The following PRKN variants were observed in gnomAD, a reference collection of about 807,000 sequenced individuals.
PRKN encodes E3 ubiquitin-protein ligase parkin.
Under a neutral mutation model 59.5 loss-of-function variants are expected in PRKN, and 56 were observed. The ratio of observed to expected loss-of-function variants is 0.94; its 90% CI spans 0.76 to 1.18. PRKN has a LOEUF of 1.18. PRKN is among the 50% of genes most tolerant of loss of function. The probability of loss-of-function intolerance (pLI) is 0.00; values close to 1 mark genes in which losing one functional copy is unlikely to be tolerated. For synonymous variants in PRKN, 250 were observed against 222.1 expected, an observed-to-expected ratio of 1.13 and a Z score of -1.12; for missense variants, 657 against 596.4, an observed-to-expected ratio of 1.10 and a Z score of -1.06.
In PRKN at chr6:161,593,153, A is replaced by G. The variant is rs1054519257; in HGVS notation, c.872-23737T>C. Among the ~76,000 whole-genome samples, 1 of 152,160 alleles carries G rather than the reference A, an allele frequency of 6.6e-6. No homozygotes were observed. Among genetic ancestry groups the G allele is most frequent in the African/African-American group, 2.4e-5 (1 of 41,432 alleles). ...AAAAGGTGATCTGTCCCCTTACTGTATAGAAAATAATTACGAACTAATAAT... is the reference window on the plus strand; with the variant it reads ...AAAAGGTGATCTGTCCCCTTACTGTGTAGAAAATAATTACGAACTAATAAT... On this transcript the variant is annotated intron_variant, in intron 7 of 11. Transcript: ENST00000366898. The surrounding 1 kb of genome is among the most constrained non-coding windows in gnomAD (Gnocchi z 4.8).
intron 8 of PRKN, among the ~76,000 whole-genome samples, chr6:161,557,524 T>A (rs1562524829): frequency 6.6e-6 from 1 of 152,098 alleles, no homozygotes; most frequent in Non-Finnish European, 1.5e-5. Flanking sequence ...GGAACATGGG[T>A]AGTCACCTGA....
intron 3 of PRKN, among the ~76,000 whole-genome samples, chr6:162,255,407 T>G (rs1243559593): frequency 2.6e-5 from 4 of 152,170 alleles, no homozygotes; most frequent in Non-Finnish European, 5.9e-5. Context: ...GTTAGGTACT[T>G]TTTCCTTATC....
chr6:161,832,623 CAAAAAAAAAAAAA>C, intron 6 of PRKN, among the ~76,000 whole-genome samples: 2 of 75,212 alleles, frequency 2.7e-5, no homozygotes, highest in East Asian at 9.1e-4. Context: ...GATTCCATCT[CAAAAAAAAAAAAA>C]AAAAAAAAGA....
intron 2 of PRKN, among the ~76,000 whole-genome samples, chr6:162,291,915 A>G (rs1781445252): frequency 6.6e-6 from 1 of 151,810 alleles, no homozygotes; most frequent in Non-Finnish European, 1.5e-5. Flanking sequence ...AGCCACTTCC[A>G]GATACAATTC....
chr6:162,165,190 T>C (rs1367864565), intron 4 of PRKN, among the ~76,000 whole-genome samples: 1 of 148,860 alleles, frequency 6.7e-6, no homozygotes. Context: ...TGTTGGATCC[T>C]AAACCTAAAT....
In PRKN at chr6:161,399,048, G is replaced by A. The variant is rs1281218659; in HGVS notation, c.1084-12171C>T. The stretch of plus-strand genomic sequence containing the variant: ...CAAACCCCAGGCTCCATGAGCAGAA[G>A]AGCAGCAGAGGAGAGAAGAGAAGGA... On this transcript the variant is annotated intron_variant, in intron 9 of 11. Transcript: ENST00000366898. The surrounding 1 kb of genome is among the most constrained non-coding windows in gnomAD (Gnocchi z 4.4). 6.6e-6 allele frequency among the ~76,000 whole-genome samples: 1 copy of A among 152,110 alleles called. No homozygotes were observed. The highest frequency in any genetic ancestry group is 1.5e-5 in the Non-Finnish European group (1 of 68,034).
intron 2 of PRKN, among the ~76,000 whole-genome samples, chr6:162,439,403 T>C (rs768626723): frequency 1.3e-4 from 20 of 151,694 alleles, no homozygotes; most frequent in Non-Finnish European, 2.7e-4. Flanking sequence ...TTCTTCTCTT[T>C]TCTTTTTGTC....
Position 162,434,042 on chromosome 6 carries a change from A to C in PRKN, c.171+9268T>G, listed in dbSNP as rs557762721. Among the ~76,000 whole-genome samples the C allele has an allele frequency of 1.1e-3, 168 of 152,266 alleles. 1 individual carries two copies. Among genetic ancestry groups the C allele is most frequent in the African/African-American group, 3.8e-3 (156 of 41,564 alleles). ...TGCAAAGTATCCAGAACAAATAATA[A>C]GACAAGAAACATTCCATGCAAAATA... On this transcript the variant is annotated intron_variant, in intron 2 of 11. Coordinates refer to ENST00000366898, the MANE Select transcript of PRKN (RefSeq NM_004562.3).
chr6:161,712,977 T>A (rs1229755801), intron 7 of PRKN, among the ~76,000 whole-genome samples: 1 of 152,006 alleles, frequency 6.6e-6, no homozygotes, highest in Non-Finnish European at 1.5e-5. Context: ...TAGCATCAGA[T>A]CCCACAGATT....
At chr6:162,675,248 C>A (rs1321971490) in intron 1 of PRKN, among the ~76,000 whole-genome samples, 1 of 151,994 alleles carries the variant, frequency 6.6e-6, no homozygotes, top group Non-Finnish European at 1.5e-5. Flanking sequence ...TAGGGTTTCA[C>A]AACGTTGGCC....
At position 161,352,755 on chromosome 6, in the gene PRKN, G is replaced by GTGTATATATATATA. The variant is rs766949960; in HGVS notation, c.1286-2545_1286-2544insTATATATATATACA. On this transcript the variant is annotated intron_variant, in intron 11 of 11. Transcript: ENST00000366898. The surrounding 1 kb of genome is among the most constrained non-coding windows in gnomAD (Gnocchi z 5.8). ...TGTGTGTGTGTGTGTGTGTGTGTGT[G>GTGTATATATATATA]TATATATATATATATATTTTATTTT... Among the ~76,000 whole-genome samples the GTGTATATATATATA allele has an allele frequency of 5.4e-3, 729 of 134,326 alleles. 6 individuals are homozygous for GTGTATATATATATA. The highest frequency in any genetic ancestry group is 0.019 in the African/African-American group (686 of 35,740). The allele number at this position is 134,326 out of a possible 152,430, so 88.1% of individuals were successfully genotyped here. A position where few individuals can be genotyped will look rare whatever the true frequency, so the allele number is the denominator to read the frequency against.
intron 2 of PRKN, among the ~76,000 whole-genome samples, chr6:162,297,590 T>G (rs1233028556): frequency 6.6e-6 from 1 of 152,122 alleles, no homozygotes; most frequent in African/African-American, 2.4e-5. Flanking sequence ...CTAAACTCCA[T>G]CAGAAAATAT....
At chr6:162,072,159 A>T (rs1399425230) in intron 4 of PRKN, among the ~76,000 whole-genome samples, 1 of 152,112 alleles carries the variant, frequency 6.6e-6, no homozygotes. Context: ...GCGGTGGCTC[A>T]CGCCTGTAAT....
At chr6:161,881,614 A>G (rs1794939184) in intron 6 of PRKN, among the ~76,000 whole-genome samples, 1 of 152,146 alleles carries the variant, frequency 6.6e-6, no homozygotes, top group East Asian at 1.9e-4. Flanking sequence ...AGCAACTCAG[A>G]GCAATGGAAA....
At chr6:161,703,687 C>A (rs1218681124) in intron 7 of PRKN, among the ~76,000 whole-genome samples, 1 of 152,090 alleles carries the variant, frequency 6.6e-6, no homozygotes, top group Non-Finnish European at 1.5e-5. Flanking sequence ...CCTCTCCAAT[C>A]CATTCTCTCA....
In PRKN at chr6:162,578,381, G is replaced by A. The variant is rs1780646893; in HGVS notation, c.8-134908C>T. The stretch of plus-strand genomic sequence containing the variant: ...TGCGCATGCCTAAAATGGCCTCAGA[G>A]GACTTTGCAACAAAAGTTTAACAGT... On this transcript the variant is annotated intron_variant, in intron 1 of 11. Coordinates refer to ENST00000366898, the MANE Select transcript of PRKN (RefSeq NM_004562.3). Among the ~76,000 whole-genome samples, 3 of 152,064 alleles carry A rather than the reference G, an allele frequency of 2.0e-5. No individual in the cohort carries two copies. The South Asian group carries it at 6.2e-4, about 31-fold the overall frequency.
chr6:161,723,214 A>G (rs551283661), intron 7 of PRKN, among the ~76,000 whole-genome samples: 65 of 151,938 alleles, frequency 4.3e-4, no homozygotes, highest in Middle Eastern at 3.4e-3. Context: ...GTTTGCAGTG[A>G]GCCGAGATTG....
chr6:161,832,426 C>G (rs534382590), intron 6 of PRKN, among the ~76,000 whole-genome samples: 4 of 151,872 alleles, frequency 2.6e-5, no homozygotes, highest in Non-Finnish European at 5.9e-5. Flanking sequence ...GAGATCGAGA[C>G]CATCCTGGCC....
chr6:162,652,908 A>G (rs951433087), intron 1 of PRKN, among the ~76,000 whole-genome samples: 34 of 152,226 alleles, frequency 2.2e-4, no homozygotes, highest in Admixed American at 7.2e-4. Context: ...TATTCTGAGC[A>G]TCTTTTTCAA....
Sources: gnomAD v4.1 joint callset for allele counts (sites outside exome capture counted in the v4.1 genomes callset) on GRCh38, gnomAD v4.1.1 for gene constraint, Gnocchi (gnomAD v3.1) non-coding constraint, MANE v1.5 for transcripts, NCBI Gene and HGNC (gene_info 2026-07-23, HGNC 2026-07-21) for gene names.